The following PTK7 variants were observed in gnomAD, a reference collection of about 807,000 sequenced individuals.
PTK7 encodes the protein inactive tyrosine-protein kinase 7.
PTK7 carries 39 observed loss-of-function variants against 116.6 expected under a neutral mutation model. The observed-to-expected ratio is 0.33, with a 90% CI of 0.26 to 0.44. The LOEUF (loss-of-function observed/expected upper bound fraction) is 0.44. Among genes scored for constraint, PTK7 ranks in the 20% least tolerant of loss-of-function variants. The pLI, the probability that PTK7 is intolerant of heterozygous loss-of-function variation, is 1.00. For missense variants in PTK7, 1,169 were observed against 1,425.6 expected (o/e 0.82, Z 2.90); for synonymous variants, 546 against 563.6 (o/e 0.97, Z 0.44).
At chr6:43,090,793 C>T (rs569723756) in intron 1 of PTK7, among the ~76,000 whole-genome samples, 2 of 152,276 alleles carry the variant, frequency 1.3e-5, no homozygotes, top group South Asian at 2.1e-4. Context: ...CTGAAAGGCT[C>T]GTTAAATGTG....
chr6:43,137,030 C>T (rs111444899), intron 7 of PTK7, among the ~76,000 whole-genome samples: 7,959 of 152,124 alleles, frequency 0.052, 239 homozygotes, highest in Non-Finnish European at 0.069. Context: ...ATAAACTCTA[C>T]CTCTTGATGG....
chr6:43,108,913 C>G (rs1211758860), intron 1 of PTK7, among the ~76,000 whole-genome samples: 1 of 152,152 alleles, frequency 6.6e-6, no homozygotes, highest in Admixed American at 6.6e-5. Context: ...TCTATAAACA[C>G]CAATCTCCCC....
chr6:43,119,698 A>G (rs1768846075), intron 1 of PTK7, among the ~76,000 whole-genome samples: 1 of 152,092 alleles, frequency 6.6e-6, no homozygotes, highest in African/African-American at 2.4e-5. Flanking sequence ...CATATTTCCC[A>G]GTCTCCTGTT....
chr6:43,088,406 C>T (rs1766774263), intron 1 of PTK7, among the ~76,000 whole-genome samples: 1 of 151,732 alleles, frequency 6.6e-6, no homozygotes, highest in South Asian at 2.1e-4. Context: ...TGATATGCTG[C>T]ACACGTGGCC....
Position 43,143,760 on chromosome 6 carries a change from G to A in PTK7, c.2251+140G>A. On this transcript the variant is annotated intron_variant, in intron 14 of 19. Transcript: ENST00000230419. The surrounding 1 kb of genome is among the most constrained non-coding windows in gnomAD (Gnocchi z 4.2). The stretch of plus-strand genomic sequence containing the variant: ...TGGAGCTGGGACTGCCCCACCCCTA[G>A]CGGGAAGCCTGGAGTTGGATTCCCA... 2.1e-6 allele frequency: 2 copies of A among 934,048 alleles called. No individual in the cohort carries two copies. Among genetic ancestry groups the A allele is most frequent in the Non-Finnish European group, 3.1e-6 (2 of 642,166 alleles). 57.9% of individuals were successfully genotyped at this position (934,048 alleles called of 1,614,324 possible).
chr6:43,142,276 C>G lies in PTK7; in HGVS notation c.2024C>G (p.Thr675Arg). The G allele has an allele frequency of 6.2e-7, 1 of 1,614,170 alleles. No homozygotes were observed. The highest frequency in any genetic ancestry group is 8.5e-7 in the Non-Finnish European group (1 of 1,180,032). ...IAGNSCNIKHTEAPLYVVDKP... is the reference protein window; with the variant it reads ...IAGNSCNIKHREAPLYVVDKP... ...GGCAACAGCTGCAACATCAAGCACA[C>G]GGAGGCCCCCCTCTATGTCGTGGGT... Residue 675 changes from threonine (T) to arginine (R), a missense_variant, in exon 13 of 20, where the codon ACG becomes AGG. This residue lies in a region of PTK7 where 678 missense variants were observed against 853.8 expected (regional missense o/e 0.79). Transcript: ENST00000230419.
intron 1 of PTK7, among the ~76,000 whole-genome samples, chr6:43,105,947 G>A (rs1767865828): frequency 6.6e-6 from 1 of 152,196 alleles, no homozygotes; most frequent in Non-Finnish European, 1.5e-5. Flanking sequence ...CTGGGAAACT[G>A]ATAGAGCAGG....
chr6:43,161,083 T>TGG lies in PTK7; in HGVS notation c.*204_*205dup. ...TTGGGAGGCTGACTTGGACCCAAACTGGGCGACTAGGGCTTTGAGCTGGGC... is the reference window on the plus strand; with the variant it reads ...TTGGGAGGCTGACTTGGACCCAAACTGGGGGCGACTAGGGCTTTGAGCTGGGC... On this transcript the variant is annotated 3_prime_UTR_variant, in exon 20 of 20. Transcript: ENST00000230419. 1.4e-6 allele frequency: 1 copy of TGG among 723,952 alleles called. No homozygotes were observed. The highest frequency in any genetic ancestry group is 2.2e-6 in the Non-Finnish European group (1 of 462,838). 44.8% of individuals were successfully genotyped at this position (723,952 alleles called of 1,614,324 possible). A position where few individuals can be genotyped will look rare whatever the true frequency, so the allele number is the denominator to read the frequency against.
intron 1 of PTK7, among the ~76,000 whole-genome samples, chr6:43,091,466 C>T (rs969966498): frequency 8.5e-5 from 13 of 152,180 alleles, no homozygotes; most frequent in African/African-American, 2.2e-4. Context: ...TGCGCCTGGC[C>T]GGTTTCCTCT....
At chr6:43,091,221 C>T (rs1285004814) in intron 1 of PTK7, among the ~76,000 whole-genome samples, 3 of 147,742 alleles carry the variant, frequency 2.0e-5, no homozygotes, top group South Asian at 2.1e-4. Flanking sequence ...AGTACAGTGA[C>T]GTGATCTTGG....
intron 7 of PTK7, chr6:43,133,128 C>A: frequency 3.1e-6 from 1 of 325,688 alleles, no homozygotes; most frequent in Non-Finnish European, 5.5e-6. Context: ...TTCTTTTTTT[C>A]TTTTTTGGGA....
chr6:43,087,704 G>A (rs1766735343), intron 1 of PTK7, among the ~76,000 whole-genome samples: 1 of 152,206 alleles, frequency 6.6e-6, no homozygotes, highest in Admixed American at 6.5e-5. Flanking sequence ...AGAAGACCTT[G>A]GAGGGCCCTT....
chr6:43,132,025 C>A lies in PTK7; in HGVS notation c.822C>A (p.His274Gln). The A allele has an allele frequency of 6.2e-7, 1 of 1,614,070 alleles. No individual in the cohort carries two copies. ...ACTCTCCCCTCTGCAGCCCCCCACA[C>A]CTCCGCAGAGCCACAGTGTTTGCCA... is the stretch of plus-strand genomic sequence containing the variant. ...TPITNRSRPP[H>Q]LRRATVFANG... The change falls in exon 6 of 20, where the codon CAC becomes CAA. Residue 274 changes from histidine to glutamine, a missense_variant. Physicochemically the swap from His to Gln is conservative, Grantham distance 24. This residue lies in a region of PTK7 where 487 missense variants were observed against 549.8 expected (regional missense o/e 0.89). Coordinates refer to ENST00000230419, the MANE Select transcript of PTK7 (RefSeq NM_002821.5).
At chr6:43,108,551 C>T (rs1768024179) in intron 1 of PTK7, among the ~76,000 whole-genome samples, 2 of 152,154 alleles carry the variant, frequency 1.3e-5, no homozygotes, top group South Asian at 4.2e-4. Flanking sequence ...AGGCGCATAC[C>T]ACCATGCCTG....
chr6:43,094,102 C>G (rs886275932), intron 1 of PTK7, among the ~76,000 whole-genome samples: 4 of 152,346 alleles, frequency 2.6e-5, no homozygotes, highest in South Asian at 4.1e-4. Flanking sequence ...CAAACGAAGA[C>G]AGGATTCGCA....
At chr6:43,150,171 A>ATG (rs1483390968) in intron 17 of PTK7, among the ~76,000 whole-genome samples, 2 of 152,212 alleles carry the variant, frequency 1.3e-5, no homozygotes, top group African/African-American at 4.8e-5. Flanking sequence ...CACCTGGTGG[A>ATG]CCATGCTTTA....
intron 1 of PTK7, among the ~76,000 whole-genome samples, chr6:43,125,314 A>G (rs1315426841): frequency 6.6e-6 from 1 of 152,232 alleles, no homozygotes; most frequent in Admixed American, 6.5e-5. Context: ...GTTGGGGCAC[A>G]GGGGGCTCTG....
rs1767731890 is a variant in PTK7, at chr6:43,104,120, G to A, written c.80-24857G>A. ...TAATGACTATTCTGGAGGAGGGAGG[G>A]TGAGTGCCACATGTAATACAGAAAA... On this transcript the variant is annotated intron_variant, in intron 1 of 19. Transcript: ENST00000230419. Among the ~76,000 whole-genome samples the A allele has an allele frequency of 2.6e-5, 4 of 152,230 alleles. No individual in the cohort carries two copies. The South Asian group carries it at 8.3e-4, about 32-fold the overall frequency.
At chr6:43,105,420 A>G (rs572254788) in intron 1 of PTK7, among the ~76,000 whole-genome samples, 1 of 143,210 alleles carries the variant, frequency 7.0e-6, no homozygotes, top group East Asian at 2.2e-4. Flanking sequence ...ATGAACAGAC[A>G]TGGAAAGACA....
Sources: allele counts gnomAD v4.1 joint callset (sites outside exome capture counted in the v4.1 genomes callset), GRCh38; gene constraint gnomAD v4.1.1; regional missense constraint gnomAD v4.1.1; non-coding constraint Gnocchi (gnomAD v3.1); transcripts MANE v1.5; gene names NCBI Gene and HGNC (gene_info 2026-07-23, HGNC 2026-07-21).